PALM2AKAP2: variants seen among roughly 807,000 people sequenced by gnomAD.
The protein encoded by PALM2AKAP2 is PALM2 and AKAP2 fusion, also known as PALM2-AKAP2 fusion protein.
Under a neutral mutation model 71.5 loss-of-function variants are expected in PALM2AKAP2, and 37 were observed. That is an observed-to-expected ratio of 0.52 (90% CI 0.40 to 0.68). The LOEUF is 0.68. PALM2AKAP2 is among the 30% of genes least tolerant of loss of function. The probability of loss-of-function intolerance (pLI) is 0.00; values close to 1 mark genes in which losing one functional copy is unlikely to be tolerated. For missense variants in PALM2AKAP2, 1,224 were observed against 1,191.8 expected (o/e 1.03, Z -0.40); for synonymous variants, 468 against 478.8 (o/e 0.98, Z 0.29).
intron 1 of PALM2AKAP2, among the ~76,000 whole-genome samples, chr9:110,094,675 G>A (rs565202633): frequency 1.5e-5 from 1 of 66,446 alleles, no homozygotes; most frequent in South Asian, 3.7e-4. Flanking sequence ...GGGCGGGGGG[G>A]CGGGTAATCT....
At chr9:109,773,157 T>C (rs1430863533) in intron 1 of PALM2AKAP2, among the ~76,000 whole-genome samples, 1 of 151,928 alleles carries the variant, frequency 6.6e-6, no homozygotes, top group African/African-American at 2.4e-5. Context: ...TTTTTTGATA[T>C]GGGGTTCTCA....
At chr9:109,783,602 A>T (rs1430439866) in intron 1 of PALM2AKAP2, among the ~76,000 whole-genome samples, 1 of 152,188 alleles carries the variant, frequency 6.6e-6, no homozygotes, top group Admixed American at 6.5e-5. Flanking sequence ...CTTGGTCTGA[A>T]CAGCTCTTTT....
chr9:110,094,668 C>T (rs1051333939), intron 1 of PALM2AKAP2, among the ~76,000 whole-genome samples: 3 of 5,238 alleles, frequency 5.7e-4, no homozygotes, highest in Non-Finnish European at 7.6e-4. Context: ...CACCACGGGG[C>T]GGGGGGGCGG....
At chr9:110,058,891 T>G (rs1455344878) in intron 1 of PALM2AKAP2, among the ~76,000 whole-genome samples, 2 of 138,418 alleles carry the variant, frequency 1.4e-5, no homozygotes, top group Non-Finnish European at 3.0e-5. Context: ...TGATGGAAAG[T>G]TTTTTGGTTT....
chr9:109,764,544 C>T (rs1435537474), intron 1 of PALM2AKAP2, among the ~76,000 whole-genome samples: 2 of 152,332 alleles, frequency 1.3e-5, no homozygotes, highest in East Asian at 3.9e-4. Context: ...CAAGAACTGC[C>T]TCCTTATCCT....
intron 6 of PALM2AKAP2, among the ~76,000 whole-genome samples, chr9:109,996,488 A>G (rs1423506146): frequency 1.3e-5 from 2 of 152,226 alleles, no homozygotes; most frequent in Non-Finnish European, 2.9e-5. Flanking sequence ...CATTTCCAAA[A>G]TTAGTTTGGG....
intron 1 of PALM2AKAP2, among the ~76,000 whole-genome samples, chr9:109,688,404 G>A (rs746398602): frequency 5.3e-5 from 8 of 152,318 alleles, no homozygotes; most frequent in Admixed American, 2.0e-4. Flanking sequence ...ATGATGGAGC[G>A]CCCATAGGGT....
intron 1 of PALM2AKAP2, among the ~76,000 whole-genome samples, chr9:110,130,080 T>C (rs1446659957): frequency 6.6e-6 from 1 of 152,200 alleles, no homozygotes; most frequent in East Asian, 1.9e-4. Flanking sequence ...TCTCCTGCTC[T>C]TTTCCCAAAA....
At chr9:109,791,102 G>T (rs1054577428) in intron 1 of PALM2AKAP2, among the ~76,000 whole-genome samples, 13 of 152,192 alleles carry the variant, frequency 8.5e-5, no homozygotes, top group African/African-American at 3.1e-4. Flanking sequence ...GACAGAGGAG[G>T]TCCTGGAGGC....
intron 1 of PALM2AKAP2, among the ~76,000 whole-genome samples, chr9:110,061,839 A>C (rs1833971763): frequency 6.7e-6 from 1 of 148,592 alleles, no homozygotes; most frequent in Non-Finnish European, 1.5e-5. Context: ...ATGCCAGACA[A>C]ATATTATTAT....
upstream of PALM2AKAP2, among the ~76,000 whole-genome samples, chr9:109,777,171 A>T (rs1269512119): frequency 6.6e-6 from 1 of 152,228 alleles, no homozygotes; most frequent in Non-Finnish European, 1.5e-5. Flanking sequence ...TGGGAAAACC[A>T]GTCCATCTGA....
At chr9:109,667,884 T>C (rs1369382487) in intron 1 of PALM2AKAP2, among the ~76,000 whole-genome samples, 1 of 151,848 alleles carries the variant, frequency 6.6e-6, no homozygotes, top group Non-Finnish European at 1.5e-5. Context: ...AATGAGGTAA[T>C]ATGCATGGAA....
At chr9:110,046,733 GC>G (rs1366935575), upstream of PALM2AKAP2, among the ~76,000 whole-genome samples, 2 of 152,142 alleles carry the variant, frequency 1.3e-5, no homozygotes, top group African/African-American at 4.8e-5. Context: ...CTCCCAAAGT[GC>G]TGGGATTACA....
chr9:109,644,200 T>G (rs1215261228), intron 1 of PALM2AKAP2, among the ~76,000 whole-genome samples: 1 of 152,104 alleles, frequency 6.6e-6, no homozygotes, highest in East Asian at 1.9e-4. Flanking sequence ...TATAGTGAGC[T>G]TTTTCTTTCT....
intron 3 of PALM2AKAP2, 145 bp downstream of exon 3, chr9:109,880,826 T>C: frequency 7.9e-7 from 1 of 1,266,824 alleles, no homozygotes; most frequent in Non-Finnish European, 1.0e-6. Flanking sequence ...TGATGTTGTT[T>C]AAACTTTTCC....
At chr9:109,865,096 C>CTTTTTT (rs58922983) in intron 1 of PALM2AKAP2, among the ~76,000 whole-genome samples, 10,979 of 74,798 alleles carry the variant, frequency 0.15, 2,832 homozygotes, top group East Asian at 0.22. Context: ...CTACTCATTC[C>CTTTTTT]TTTTTTTTTT....
At chr9:109,794,909 A>T (rs924793863) in intron 1 of PALM2AKAP2, among the ~76,000 whole-genome samples, 1 of 152,234 alleles carries the variant, frequency 6.6e-6, no homozygotes, top group Non-Finnish European at 1.5e-5. Context: ...GCTGAAGTGG[A>T]CAGGGTTGTG....
chr9:110,095,090 A>G (rs1463236137), intron 1 of PALM2AKAP2, among the ~76,000 whole-genome samples: 1 of 152,202 alleles, frequency 6.6e-6, no homozygotes, highest in African/African-American at 2.4e-5. Flanking sequence ...AAAATCAGAA[A>G]GCAACGATTC....
At chr9:109,882,346 G>A (rs1197346213) in intron 3 of PALM2AKAP2, among the ~76,000 whole-genome samples, 1 of 152,146 alleles carries the variant, frequency 6.6e-6, no homozygotes, top group African/African-American at 2.4e-5. Flanking sequence ...CTTTGCTTAG[G>A]TCCTCACATG....
Sources: gnomAD v4.1 joint callset for allele counts (sites outside exome capture counted in the v4.1 genomes callset) on GRCh38, gnomAD v4.1.1 for gene constraint, MANE v1.5 for transcripts, NCBI Gene and HGNC (gene_info 2026-07-23, HGNC 2026-07-21) for gene names.